Variants in PADI2 observed in about 807,000 individuals in gnomAD.
PADI2 encodes protein-arginine deiminase type-2.
PADI2 carries 70 observed loss-of-function variants against 81.1 expected under a neutral mutation model. That is an observed-to-expected ratio of 0.86 (90% CI 0.71 to 1.05). PADI2 has a LOEUF of 1.05. Ranked by LOEUF, PADI2 falls within the 50% of genes least tolerant of loss-of-function variation. The probability of loss-of-function intolerance (pLI) is 0.00; values close to 1 mark genes in which losing one functional copy is unlikely to be tolerated. For missense variants in PADI2, 853 were observed against 889.9 expected, an observed-to-expected ratio of 0.96 and a Z score of 0.53; for synonymous variants, 338 against 358.0, an observed-to-expected ratio of 0.94 and a Z score of 0.63.
chr1:17,085,112 C>T (rs2078375706), intron 7 of PADI2, among the ~76,000 whole-genome samples: 3 of 152,354 alleles, frequency 2.0e-5, no homozygotes, highest in Admixed American at 6.5e-5. Context: ...ACAGCTGAGC[C>T]AGCCCCCCAC....
intron 6 of PADI2, among the ~76,000 whole-genome samples, chr1:17,090,337 A>C (rs997285795): frequency 2.7e-4 from 41 of 152,290 alleles, no homozygotes; most frequent in African/African-American, 8.2e-4. Flanking sequence ...GAGCACCCCA[A>C]GGCTGGGGCT....
intron 10 of PADI2, 48 bp downstream of exon 10, chr1:17,082,497 G>T: frequency 8.3e-7 from 1 of 1,207,742 alleles, no homozygotes. Flanking sequence ...TGTCTTATGA[G>T]AATCTCCAGG....
chr1:17,093,473 T>TCCACA lies in PADI2; in HGVS notation c.529+89_529+93dup. 7 of 794,696 alleles carry TCCACA rather than the reference T, an allele frequency of 8.8e-6. No individual in the cohort carries two copies. The South Asian group carries it at 1.2e-4, about 13-fold the overall frequency. The allele number at this position is 794,696 out of a possible 1,614,324, so 49.2% of individuals were successfully genotyped here. A position where few individuals can be genotyped will look rare whatever the true frequency, so the allele number is the denominator to read the frequency against. ...GTCCACCATCCCCAGGAGGCCTGAG[T>TCCACA]CCACACCTGCCTCACCCTCAGCCCA... is the stretch of plus-strand genomic sequence containing the variant. On this transcript the variant is annotated intron_variant, in intron 5 of 15. Transcript: ENST00000375486.
chr1:17,083,625 A>G, intron 9 of PADI2, 101 bp downstream of exon 9: 1 of 745,106 alleles, frequency 1.3e-6, no homozygotes, highest in Non-Finnish European at 2.5e-6. Flanking sequence ...AAGAATCCCC[A>G]TCTGCAGAGC....
intron 2 of PADI2, among the ~76,000 whole-genome samples, chr1:17,104,451 T>TTTTTC (rs1161832659): frequency 8.1e-6 from 1 of 123,754 alleles, no homozygotes. Context: ...TTTTTTTTTT[T>TTTTTC]TGAGACGGAG....
chr1:17,071,026 G>C (rs2092615), intron 14 of PADI2, among the ~76,000 whole-genome samples: 1 of 152,286 alleles, frequency 6.6e-6, no homozygotes. Flanking sequence ...CTGGTCTCAA[G>C]CCCCTGGCCT....
intron 6 of PADI2, among the ~76,000 whole-genome samples, chr1:17,089,454 T>C (rs1358651855): frequency 6.6e-6 from 1 of 152,178 alleles, no homozygotes; most frequent in Non-Finnish European, 1.5e-5. Context: ...CAGCCAAAGC[T>C]TTCCCAGGGC....
At chr1:17,078,796 A>T (rs2078322978) in intron 11 of PADI2, among the ~76,000 whole-genome samples, 1 of 152,190 alleles carries the variant, frequency 6.6e-6, no homozygotes, top group Non-Finnish European at 1.5e-5. Context: ...CCCAGGCTCA[A>T]GCGATCCTCT....
chr1:17,091,070 C>A (rs1930675685), intron 6 of PADI2, among the ~76,000 whole-genome samples: 1 of 151,870 alleles, frequency 6.6e-6, no homozygotes, highest in African/African-American at 2.4e-5. Context: ...GCCAGCCTGA[C>A]TCTGGGCACA....
intron 1 of PADI2, among the ~76,000 whole-genome samples, chr1:17,118,576 G>C (rs546500690): frequency 6.6e-6 from 1 of 152,236 alleles, no homozygotes; most frequent in South Asian, 2.1e-4. Context: ...GGAGGGAGCA[G>C]AACTCTGAAT....
chr1:17,079,128 C>T, intron 11 of PADI2, 136 bp downstream of exon 11: 1 of 666,610 alleles, frequency 1.5e-6, no homozygotes, highest in East Asian at 2.8e-5. Context: ...GAGTGTCGGC[C>T]TCTTAACAGG....
chr1:17,108,363 C>T (rs972560070), intron 1 of PADI2, among the ~76,000 whole-genome samples: 5 of 152,046 alleles, frequency 3.3e-5, no homozygotes, highest in African/African-American at 1.2e-4. Context: ...GGGTCTGCAC[C>T]TTCTGAATGT....
chr1:17,087,031 A>G (rs1930494087), intron 6 of PADI2, among the ~76,000 whole-genome samples: 1 of 152,134 alleles, frequency 6.6e-6, no homozygotes, highest in Admixed American at 6.5e-5. Flanking sequence ...AATTGTTTCC[A>G]TTTCACAGAT....
At chr1:17,118,770 C>G (rs1931843350) in intron 1 of PADI2, among the ~76,000 whole-genome samples, 2 of 152,194 alleles carry the variant, frequency 1.3e-5, no homozygotes, top group Admixed American at 1.3e-4. Flanking sequence ...AAATCGGAGC[C>G]TGAGTAACCT....
chr1:17,111,082 CTT>C (rs779445292), intron 1 of PADI2, among the ~76,000 whole-genome samples: 39 of 93,908 alleles, frequency 4.2e-4, no homozygotes, highest in African/African-American at 1.4e-3. Flanking sequence ...AAAGACAGAC[CTT>C]TTTTTTTTTT....
At chr1:17,099,324 T>G (rs555659557) in intron 3 of PADI2, among the ~76,000 whole-genome samples, 24 of 152,238 alleles carry the variant, frequency 1.6e-4, no homozygotes, top group Middle Eastern at 6.8e-3. Context: ...GTTAAAATTT[T>G]CTGGGGCCCG....
intron 8 of PADI2, 145 bp downstream of exon 8, chr1:17,084,454 G>A: frequency 3.5e-6 from 2 of 578,224 alleles, no homozygotes; most frequent in Non-Finnish European, 3.1e-6. Context: ...GTGACTCTAC[G>A]ATGTGGGCAT....
Position 17,083,726 on chromosome 1 carries a change from C to G in PADI2, c.1050G>C (p.Gln350His), listed in dbSNP as rs762245900. The change falls in exon 9 of 16, where the codon CAG becomes CAC. Residue 350 changes from glutamine to histidine, a missense_variant and splice_region_variant. By Grantham distance (24) the Gln-to-His change is conservative. Coordinates refer to ENST00000375486, the MANE Select transcript of PADI2 (RefSeq NM_007365.3). The part of the protein sequence containing the change: ...QYLNRGDRWI[Q>H]DEIEFGYIEA... ...CCCAGCCTGGACCTGGGCTCCTTAC[C>G]TGGATCCAGCGATCGCCTCGGTTTA... The G allele has an allele frequency of 5.6e-6, 9 of 1,605,534 alleles. No homozygotes were observed. In the South Asian group the frequency reaches 9.9e-5, roughly 18 times the overall value.
chr1:17,083,447 G>T (rs2078361814), intron 9 of PADI2: 3 of 415,776 alleles, frequency 7.2e-6, no homozygotes, highest in Admixed American at 7.9e-5. Context: ...TGAGAGACTG[G>T]CTTCATCCTT....
Sources: gnomAD v4.1 joint callset for allele counts (sites outside exome capture counted in the v4.1 genomes callset) on GRCh38, gnomAD v4.1.1 for gene constraint, MANE v1.5 for transcripts, NCBI Gene and HGNC (gene_info 2026-07-23, HGNC 2026-07-21) for gene names.